The following SLC2A13 variants were observed in gnomAD, a reference collection of about 807,000 sequenced individuals.
SLC2A13 encodes solute carrier family 2 member 13.
Under a neutral mutation model 64.4 loss-of-function variants are expected in SLC2A13, and 32 were observed. That is an observed-to-expected ratio of 0.50 (90% CI 0.37 to 0.67). SLC2A13 has a LOEUF of 0.67. Ranked by LOEUF, SLC2A13 falls within the 30% of genes least tolerant of loss-of-function variation. The pLI, the probability that SLC2A13 is intolerant of heterozygous loss-of-function variation, is 0.00. For synonymous variants in SLC2A13, 338 were observed against 327.1 expected (o/e 1.03, Z -0.36); for missense variants, 743 against 829.2 (o/e 0.90, Z 1.28).
chr12:39,852,783 A>G (rs1347662424), intron 6 of SLC2A13, among the ~76,000 whole-genome samples: 2 of 152,188 alleles, frequency 1.3e-5, no homozygotes, highest in South Asian at 2.1e-4. Flanking sequence ...TCCTGAAACC[A>G]ATCAGATTGG....
chr12:39,985,807 T>C (rs1366152938), intron 3 of SLC2A13, among the ~76,000 whole-genome samples: 1 of 152,140 alleles, frequency 6.6e-6, no homozygotes, highest in Non-Finnish European at 1.5e-5. Flanking sequence ...GGTGGTTCTT[T>C]ACCTCTTTTC....
At chr12:39,905,283 T>G (rs553017204) in intron 4 of SLC2A13, among the ~76,000 whole-genome samples, 1 of 152,276 alleles carries the variant, frequency 6.6e-6, no homozygotes, top group Non-Finnish European at 1.5e-5. Flanking sequence ...TCTGTCTTGC[T>G]GCTCTGGCTG....
At chr12:39,938,403 T>TAA (rs11381458) in intron 4 of SLC2A13, among the ~76,000 whole-genome samples, 51 of 147,528 alleles carry the variant, frequency 3.5e-4, no homozygotes, top group South Asian at 4.3e-4. Context: ...AAAGAAACTT[T>TAA]AAAAAAAAAA....
chr12:40,101,830 T>G (rs2046929), intron 1 of SLC2A13, among the ~76,000 whole-genome samples: 18,499 of 151,596 alleles, frequency 0.12, 1,505 homozygotes, highest in Admixed American at 0.18. Flanking sequence ...TTGTTTGTTT[T>G]TTTTTTTTAA....
chr12:39,870,984 T>A (rs7967517), intron 5 of SLC2A13, among the ~76,000 whole-genome samples: 1 of 152,238 alleles, frequency 6.6e-6, no homozygotes, highest in African/African-American at 2.4e-5. Context: ...CTGGAAACTA[T>A]CTTTTAATGG....
At chr12:39,782,388 C>A (rs1036595525) in intron 7 of SLC2A13, among the ~76,000 whole-genome samples, 7 of 152,092 alleles carry the variant, frequency 4.6e-5, no homozygotes, top group Non-Finnish European at 7.4e-5. Flanking sequence ...GAGTAAGTGT[C>A]ACGAAATCTG....
chr12:40,000,205 T>C (rs954241564), intron 3 of SLC2A13, among the ~76,000 whole-genome samples: 4 of 152,322 alleles, frequency 2.6e-5, no homozygotes, highest in Non-Finnish European at 4.4e-5. Flanking sequence ...ACTGTAAGTC[T>C]ATTAAACATC....
Position 39,828,815 on chromosome 12 carries a change from G to C in SLC2A13, c.1445+1288C>G, listed in dbSNP as rs996753410. ...TCAATTAACTCACTAACAAAATTTG[G>C]CTGATAAGAACTATAAACTGAGTAT... is the stretch of plus-strand genomic sequence containing the variant. On this transcript the variant is annotated intron_variant, in intron 7 of 9. Transcript: ENST00000280871. Among the ~76,000 whole-genome samples, 8 of 151,894 alleles carry C rather than the reference G, an allele frequency of 5.3e-5. No homozygotes were observed. In the East Asian group the frequency reaches 1.5e-3, roughly 29 times the overall value.
chr12:39,936,274 T>C (rs1184730514), intron 4 of SLC2A13, among the ~76,000 whole-genome samples: 1 of 152,186 alleles, frequency 6.6e-6, no homozygotes, highest in Non-Finnish European at 1.5e-5. Flanking sequence ...TCTTTGGGAA[T>C]TAAGAATTGT....
At chr12:39,834,295 G>C (rs896778441) in intron 6 of SLC2A13, among the ~76,000 whole-genome samples, 4 of 151,866 alleles carry the variant, frequency 2.6e-5, no homozygotes, top group African/African-American at 7.3e-5. Context: ...AAGGGACTAG[G>C]CATGAATTTT....
intron 3 of SLC2A13, among the ~76,000 whole-genome samples, chr12:40,021,971 T>G (rs1947727108): frequency 6.6e-6 from 1 of 151,912 alleles, no homozygotes; most frequent in African/African-American, 2.4e-5. Flanking sequence ...TCAATATCAA[T>G]TCACAAAAAA....
At position 39,809,522 on chromosome 12, in the gene SLC2A13, A is replaced by G. The variant is rs560343653; in HGVS notation, c.1445+20581T>C. 9.2e-5 allele frequency among the ~76,000 whole-genome samples: 14 copies of G among 152,282 alleles called. No individual in the cohort carries two copies. In the South Asian group the frequency reaches 1.5e-3, roughly 16 times the overall value. On this transcript the variant is annotated intron_variant, in intron 7 of 9. Coordinates refer to ENST00000280871, the MANE Select transcript of SLC2A13 (RefSeq NM_052885.4). ...GACATCTTTTTTAAAAATTATTATT[A>G]TACTTTAAGTTTTAGGGTACATGTG... is the stretch of plus-strand genomic sequence containing the variant.
chr12:40,048,104 G>C lies in SLC2A13; in HGVS notation c.663C>G (p.Phe221Leu), dbSNP rs200122745. ...INTLFITGGQFFASVVDGAFS... is the reference protein window; with the variant it reads ...INTLFITGGQLFASVVDGAFS... ...AGGCTCCATCAACAACACTTGCAAAGAACTGCCCTCCTGTGATGAAGAGGG... is the reference window on the plus strand; with the variant it reads ...AGGCTCCATCAACAACACTTGCAAACAACTGCCCTCCTGTGATGAAGAGGG... The change falls in exon 2 of 10, where the codon TTC becomes TTG. Residue 221 changes from phenylalanine to leucine, a missense_variant. Phe to Leu is a conservative substitution (Grantham distance 22). This residue lies in a region of SLC2A13 where 448 missense variants were observed against 447.4 expected (regional missense o/e 1.00). Transcript: ENST00000280871. 55 of 1,613,436 alleles carry C rather than the reference G, an allele frequency of 3.4e-5. No individual in the cohort carries two copies. The highest frequency in any genetic ancestry group is 4.2e-5 in the Non-Finnish European group (49 of 1,179,744).
chr12:39,764,958 CTT>C (rs1940294659), intron 7 of SLC2A13, 100 bp from the exon 8 acceptor site: 1 of 1,307,660 alleles, frequency 7.6e-7, no homozygotes, highest in Non-Finnish European at 1.0e-6. Context: ...TCCTTAATGT[CTT>C]AAGAGTCCAA....
intron 4 of SLC2A13, among the ~76,000 whole-genome samples, chr12:39,896,046 G>A (rs773957782): frequency 3.5e-5 from 5 of 143,064 alleles, no homozygotes; most frequent in East Asian, 2.1e-4. Context: ...GTTTATATAC[G>A]CATGTATATA....
At chr12:40,018,604 T>C (rs1427805105) in intron 3 of SLC2A13, among the ~76,000 whole-genome samples, 2 of 152,192 alleles carry the variant, frequency 1.3e-5, no homozygotes, top group Non-Finnish European at 2.9e-5. Context: ...GAACAATAAA[T>C]TGTCTTAAAT....
chr12:39,764,084 C>T (rs1211276363), intron 9 of SLC2A13, among the ~76,000 whole-genome samples: 2 of 152,086 alleles, frequency 1.3e-5, no homozygotes, highest in East Asian at 3.9e-4. Flanking sequence ...CAGGACATCT[C>T]ATTGGCCCTA....
rs184499017 is a variant in SLC2A13 at position 39,896,538 on chromosome 12, A to G, written c.1035-24577T>C. On this transcript the variant is annotated intron_variant, in intron 4 of 9. Coordinates refer to ENST00000280871, the MANE Select transcript of SLC2A13 (RefSeq NM_052885.4). Reference sequence around the variant, plus strand: ...TGTGTATACATGTATACATGTATGTATGTATGTGTGTATACATGTATACAT... The same window carrying G: ...TGTGTATACATGTATACATGTATGTGTGTATGTGTGTATACATGTATACAT... Among the ~76,000 whole-genome samples, 39 of 145,550 alleles carry G rather than the reference A, an allele frequency of 2.7e-4. 1 individual carries two copies. In the East Asian group the frequency reaches 4.0e-3, roughly 15 times the overall value.
chr12:39,816,184 C>T (rs1056739675), intron 7 of SLC2A13, among the ~76,000 whole-genome samples: 5 of 152,034 alleles, frequency 3.3e-5, no homozygotes, highest in East Asian at 1.9e-4. Context: ...GTTGGATCTA[C>T]GCTAGTTATG....
Sources: allele counts gnomAD v4.1 joint callset (sites outside exome capture counted in the v4.1 genomes callset), GRCh38; gene constraint gnomAD v4.1.1; regional missense constraint gnomAD v4.1.1; transcripts MANE v1.5; gene names NCBI Gene and HGNC (gene_info 2026-07-23, HGNC 2026-07-21).